Variants in PATJ observed in about 807,000 individuals in gnomAD.
PATJ encodes the protein inaD-like protein.
Under a neutral mutation model 224.9 loss-of-function variants are expected in PATJ, and 190 were observed. The ratio of observed to expected loss-of-function variants is 0.84; its 90% CI spans 0.75 to 0.95. The LOEUF (loss-of-function observed/expected upper bound fraction) is 0.95. Among genes scored for constraint, PATJ ranks in the 40% least tolerant of loss-of-function variants. The pLI is 0.00. For missense variants in PATJ, 2,121 were observed against 2,270.3 expected, an observed-to-expected ratio of 0.93 and a Z score of 1.34; for synonymous variants, 769 against 820.3, an observed-to-expected ratio of 0.94 and a Z score of 1.07.
At chr1:62,093,850 T>G (rs1661074014) in intron 33 of PATJ, among the ~76,000 whole-genome samples, 1 of 152,226 alleles carries the variant, frequency 6.6e-6, no homozygotes, top group African/African-American at 2.4e-5. Flanking sequence ...GTATCAACTT[T>G]TTGTTAAATG....
chr1:61,856,179 G>A lies in PATJ; in HGVS notation c.2262G>A (p.Val754=). 6.2e-7 allele frequency: 1 copy of A among 1,614,182 alleles called. No individual in the cohort carries two copies. Among genetic ancestry groups the A allele is most frequent in the Middle Eastern group, 1.6e-4 (1 of 6,062 alleles). The part of the protein sequence containing the change: ...CLDNTSLAEA[V]EILKAVPPGL... ...ACAACACCTCACTTGCTGAAGCTGTGGAAATATTGAAAGCTGTGCCACCAG... is the reference window on the plus strand; with the variant it reads ...ACAACACCTCACTTGCTGAAGCTGTAGAAATATTGAAAGCTGTGCCACCAG... Residue 754 remains valine (V), a synonymous_variant, in exon 18 of 44, where the codon GTG becomes GTA. Coordinates refer to ENST00000642238, the MANE Select transcript of PATJ (RefSeq NM_001350145.3).
rs200045581 is a variant in PATJ, at chr1:61,977,909, AT to A, written c.3671-12252del. Among the ~76,000 whole-genome samples, 500 of 151,700 alleles carry A rather than the reference AT, an allele frequency of 3.3e-3. 12 individuals carry two copies. Among genetic ancestry groups the A allele is most frequent in the African/African-American group, 0.011 (449 of 41,254 alleles). Reference sequence around the variant, plus strand: ...CAAAAAAAAAAAAAAACTTAAAAAAATTTTTTTAATAAAAATAAGTTGATTG... The same window carrying A: ...CAAAAAAAAAAAAAAACTTAAAAAAATTTTTTAATAAAAATAAGTTGATTG... On this transcript the variant is annotated intron_variant, in intron 27 of 43. Transcript: ENST00000642238.
At chr1:61,776,304 A>G (rs1283651161) in intron 7 of PATJ, among the ~76,000 whole-genome samples, 2 of 152,230 alleles carry the variant, frequency 1.3e-5, no homozygotes, top group Non-Finnish European at 2.9e-5. Context: ...CAATAATACC[A>G]CAATGTTATT....
At chr1:62,001,767 C>T (rs967663858) in intron 28 of PATJ, among the ~76,000 whole-genome samples, 8 of 151,904 alleles carry the variant, frequency 5.3e-5, no homozygotes, top group Non-Finnish European at 1.0e-4. Context: ...CTATAAATTA[C>T]CTTAGGCAGT....
chr1:61,941,005 T>G, intron 27 of PATJ, among the ~76,000 whole-genome samples: 1 of 152,296 alleles, frequency 6.6e-6, no homozygotes, highest in South Asian at 2.1e-4. Flanking sequence ...TTTTCTCTTC[T>G]TACTCTTTAT....
At chr1:62,147,803 A>G (rs1404686131) in intron 41 of PATJ, among the ~76,000 whole-genome samples, 1 of 152,028 alleles carries the variant, frequency 6.6e-6, no homozygotes, top group Middle Eastern at 3.4e-3. Flanking sequence ...GACTAAAAAA[A>G]AAAAAAAAAA....
chr1:62,135,816 A>G (rs902180758), intron 41 of PATJ, among the ~76,000 whole-genome samples: 2 of 152,162 alleles, frequency 1.3e-5, no homozygotes, highest in African/African-American at 4.8e-5. Context: ...ATAAATACTA[A>G]GTGGTATCTT....
At chr1:62,068,329 A>T (rs1055148442) in intron 31 of PATJ, among the ~76,000 whole-genome samples, 9 of 152,090 alleles carry the variant, frequency 5.9e-5, no homozygotes, top group South Asian at 2.1e-4. Flanking sequence ...TTTGTTAGTT[A>T]GTTTGTTTGT....
rs550075978 is a variant in PATJ, at chr1:61,836,292, T to C, written c.2112+2507T>C. Among the ~76,000 whole-genome samples, 319 of 152,362 alleles carry C rather than the reference T, an allele frequency of 2.1e-3. 3 individuals carry two copies. Among genetic ancestry groups the C allele is most frequent in the Admixed American group, 4.6e-3 (71 of 15,308 alleles). On this transcript the variant is annotated intron_variant, in intron 17 of 43. Transcript: ENST00000642238. ...TAGAATTATAGGATTTTCCTTTTCC[T>C]CTTATTTACCTCTCAATCAGCAGCA...
intron 28 of PATJ, among the ~76,000 whole-genome samples, chr1:61,998,004 T>TATATATATATATATATATATATATA (rs1342142560): frequency 2.9e-5 from 3 of 104,666 alleles, no homozygotes; most frequent in African/African-American, 1.4e-4. Flanking sequence ...ATATAATATA[T>TATATATATATATATATATATATATA]TATATATATT....
At chr1:62,022,319 A>G (rs941103055) in intron 29 of PATJ, among the ~76,000 whole-genome samples, 1 of 152,216 alleles carries the variant, frequency 6.6e-6, no homozygotes, top group African/African-American at 2.4e-5. Context: ...TACATGACTT[A>G]CATAATCACT....
chr1:61,934,512 T>C (rs1676539822), intron 27 of PATJ, among the ~76,000 whole-genome samples: 1 of 152,214 alleles, frequency 6.6e-6, no homozygotes, highest in Non-Finnish European at 1.5e-5. Context: ...CCCCAACTCT[T>C]TGAATGCATT....
chr1:61,962,016 CTGTT>C (rs1229098597), intron 27 of PATJ, among the ~76,000 whole-genome samples: 3 of 151,358 alleles, frequency 2.0e-5, no homozygotes, highest in Non-Finnish European at 4.4e-5. Context: ...ACGGAAGTCT[CTGTT>C]TGGTTGCAGC....
At position 62,161,151 on chromosome 1, in the gene PATJ, C is replaced by A; in HGVS notation, c.*97C>A. The A allele has an allele frequency of 1.1e-6, 1 of 938,100 alleles. No homozygotes were observed. Among genetic ancestry groups the A allele is most frequent in the Non-Finnish European group, 1.4e-6 (1 of 691,866 alleles). The allele number at this position is 938,100 out of a possible 1,614,324, so 58.1% of individuals were successfully genotyped here. On this transcript the variant is annotated 3_prime_UTR_variant, in exon 44 of 44. Transcript: ENST00000642238. The stretch of plus-strand genomic sequence containing the variant: ...ATGAAAAGCACCCTCAACTAAAATG[C>A]ACCTTCATTCTTATTTCTTGCCCTC...
intron 26 of PATJ, among the ~76,000 whole-genome samples, chr1:61,927,019 C>T (rs775420511): frequency 1.4e-4 from 22 of 152,178 alleles, no homozygotes; most frequent in African/African-American, 4.1e-4. Flanking sequence ...TTTTTCCCAG[C>T]GTTCAAGAAA....
chr1:61,842,270 A>C (rs1341036521), intron 17 of PATJ, among the ~76,000 whole-genome samples: 2 of 152,170 alleles, frequency 1.3e-5, no homozygotes, highest in African/African-American at 4.8e-5. Flanking sequence ...AGGCAGCTGC[A>C]GGGGGATAAA....
At chr1:61,792,539 GT>G (rs201403192) in intron 9 of PATJ, among the ~76,000 whole-genome samples, 6 of 147,528 alleles carry the variant, frequency 4.1e-5, no homozygotes, top group Admixed American at 2.0e-4. Context: ...ATTTGTTTTT[GT>G]TTTTTTTTTG....
chr1:62,119,837 A>G (rs1664852067), intron 37 of PATJ, among the ~76,000 whole-genome samples: 1 of 152,134 alleles, frequency 6.6e-6, no homozygotes, highest in Non-Finnish European at 1.5e-5. Context: ...CCAGCTACTC[A>G]GGAGGCTGAG....
rs1659987994 is a variant in PATJ, at chr1:62,086,409, C to G, written c.4377+1761C>G. On this transcript the variant is annotated intron_variant, in intron 33 of 43. Coordinates refer to ENST00000642238, the MANE Select transcript of PATJ (RefSeq NM_001350145.3). This position sits in a 1 kb window ranked among gnomAD's most constrained non-coding sequence, Gnocchi z 4.0. ...TCCCTCCTACCTTTTTGCCCTAGCTCTGCCCTTCACTACCTAAAACCAGGG... is the reference window on the plus strand; with the variant it reads ...TCCCTCCTACCTTTTTGCCCTAGCTGTGCCCTTCACTACCTAAAACCAGGG... Among the ~76,000 whole-genome samples, 1 of 152,110 alleles carries G rather than the reference C, an allele frequency of 6.6e-6. No homozygotes were observed. Among genetic ancestry groups the G allele is most frequent in the South Asian group, 2.1e-4 (1 of 4,820 alleles).
Sources: allele counts gnomAD v4.1 joint callset (sites outside exome capture counted in the v4.1 genomes callset), GRCh38; gene constraint gnomAD v4.1.1; non-coding constraint Gnocchi (gnomAD v3.1); transcripts MANE v1.5; gene names NCBI Gene and HGNC (gene_info 2026-07-23, HGNC 2026-07-21).